The following KIRREL1 variants were observed in gnomAD, a reference collection of about 807,000 sequenced individuals.
KIRREL1 encodes the protein kirre like nephrin family adhesion molecule 1, also known as kin of IRRE-like protein 1.
Under a neutral mutation model 83.3 loss-of-function variants are expected in KIRREL1, and 25 were observed. The observed-to-expected ratio is 0.30, with a 90% CI of 0.22 to 0.42. KIRREL1 has a LOEUF of 0.42. KIRREL1 is among the 10% of genes least tolerant of loss of function. The probability of loss-of-function intolerance (pLI) is 1.00; values close to 1 mark genes in which losing one functional copy is unlikely to be tolerated. For missense variants in KIRREL1, 812 were observed against 1,032.3 expected (o/e 0.79, Z 2.92); for synonymous variants, 388 against 410.4 (o/e 0.95, Z 0.66).
Position 158,063,326 on chromosome 1 carries a change from A to G in KIRREL1, c.53-12787A>G, listed in dbSNP as rs1242655145. ...GTATTTGTTCATTCAACAAACATCA[A>G]TTAAGATATTCATTCAACAAGCATC... is the stretch of plus-strand genomic sequence containing the variant. On this transcript the variant is annotated intron_variant, in intron 1 of 14. Transcript: ENST00000359209. 3.3e-5 allele frequency among the ~76,000 whole-genome samples: 5 copies of G among 152,218 alleles called. No homozygotes were observed. The South Asian group carries it at 6.2e-4, about 19-fold the overall frequency.
intron 2 of KIRREL1, 46 bp downstream of exon 2, chr1:158,076,308 C>T: frequency 6.4e-7 from 1 of 1,572,160 alleles, no homozygotes. Context: ...ATCTTCTCCG[C>T]CATTCCCCAC....
At chr1:158,040,773 G>C (rs189450406) in intron 1 of KIRREL1, among the ~76,000 whole-genome samples, 1 of 152,226 alleles carries the variant, frequency 6.6e-6, no homozygotes, top group African/African-American at 2.4e-5. Flanking sequence ...GGGCTGGAGC[G>C]TGTGCTAAGA....
At chr1:158,075,281 C>A (rs987063711) in intron 1 of KIRREL1, among the ~76,000 whole-genome samples, 1 of 152,214 alleles carries the variant, frequency 6.6e-6, no homozygotes, top group South Asian at 2.1e-4. Flanking sequence ...TGCTCCCGGC[C>A]GAGCTGCCAG....
chr1:158,050,187 C>CTGAAG (rs1660875413), intron 1 of KIRREL1, among the ~76,000 whole-genome samples: 3 of 152,130 alleles, frequency 2.0e-5, no homozygotes, highest in African/African-American at 4.8e-5. Flanking sequence ...TACAGCACTT[C>CTGAAG]TGAAGTCCCA....
chr1:158,034,154 T>A (rs544966029), intron 1 of KIRREL1, among the ~76,000 whole-genome samples: 336 of 149,846 alleles, frequency 2.2e-3, no homozygotes, highest in Non-Finnish European at 4.2e-3. Flanking sequence ...GCGCCTGTAA[T>A]CCCAGCTACT....
rs770836422 is a variant in KIRREL1 at position 158,088,464 on chromosome 1, T to G, written c.1044+10T>G. On this transcript the variant is annotated intron_variant, in intron 8 of 14. Coordinates refer to ENST00000359209, the MANE Select transcript of KIRREL1 (RefSeq NM_018240.7). ...AAAGGACTCAAATATGGTAAGACTC[T>G]TACTGCCTGTTCTTTTTTTTTTTTT... 10 of 1,513,214 alleles carry G rather than the reference T, an allele frequency of 6.6e-6. No individual in the cohort carries two copies. In the South Asian group the frequency reaches 1.2e-4, roughly 18 times the overall value. The allele number at this position is 1,513,214 out of a possible 1,614,324, so 93.7% of individuals were successfully genotyped here.
chr1:158,036,240 CTTTA>C (rs750439621), intron 1 of KIRREL1, among the ~76,000 whole-genome samples: 1 of 152,094 alleles, frequency 6.6e-6, no homozygotes, highest in Non-Finnish European at 1.5e-5. Context: ...TTATTCATTT[CTTTA>C]TTTATTACTG....
intron 1 of KIRREL1, among the ~76,000 whole-genome samples, chr1:158,042,292 G>A (rs1316396561): frequency 6.6e-6 from 1 of 151,830 alleles, no homozygotes; most frequent in East Asian, 1.9e-4. Flanking sequence ...CCAGGTGAAC[G>A]TGCAGGTAAG....
rs12081249 is a variant in KIRREL1, at chr1:158,078,026, G to T, written c.238G>T (p.Ala80Ser). Residue 80 changes from alanine (A) to serine (S), a missense_variant, in exon 3 of 15, where the codon GCT becomes TCT. This residue lies in a region of KIRREL1 where 472 missense variants were observed against 626.8 expected (regional missense o/e 0.75). Transcript: ENST00000359209. ...GTACCGGGTTGTGGGCTCCGCAGACGCTGGGCAGTACAACCTGGAGATCAC... is the reference window on the plus strand; with the variant it reads ...GTACCGGGTTGTGGGCTCCGCAGACTCTGGGCAGTACAACCTGGAGATCAC... ...PRYRVVGSAD[A>S]GQYNLEITDA... is the part of the protein sequence containing the mutation. 3 of 1,614,164 alleles carry T rather than the reference G, an allele frequency of 1.9e-6. No homozygotes were observed. Among genetic ancestry groups the T allele is most frequent in the Middle Eastern group, 3.3e-4 (2 of 6,062 alleles).
intron 5 of KIRREL1, 33 bp downstream of exon 5, chr1:158,086,779 G>A (rs1480909322): frequency 6.6e-7 from 1 of 1,513,008 alleles, no homozygotes; most frequent in East Asian, 2.5e-5. Flanking sequence ...TCTGGAGCAG[G>A]GGGGTGGAAG....
rs1385380221 is a variant in KIRREL1, at chr1:158,093,780, C to T, written c.1719+18C>T. The stretch of plus-strand genomic sequence containing the variant: ...TCTACTCGGTGAGGGTCCTGCTCCT[C>T]TCTGGCCTCCTGCCTTCTCCACCCT... On this transcript the variant is annotated intron_variant, in intron 13 of 14. Transcript: ENST00000359209. 5 of 1,613,434 alleles carry T rather than the reference C, an allele frequency of 3.1e-6. No homozygotes were observed. Among genetic ancestry groups the T allele is most frequent in the South Asian group, 2.2e-5 (2 of 91,044 alleles).
At position 158,086,671 on chromosome 1, in the gene KIRREL1, C is replaced by T. The variant is rs1479642415; in HGVS notation, c.586C>T (p.Arg196Cys). 14 of 1,551,666 alleles carry T rather than the reference C, an allele frequency of 9.0e-6. No individual in the cohort carries two copies. The highest frequency in any genetic ancestry group is 2.7e-5 in the African/African-American group (2 of 72,944). ...LINPTDLDIG[R>C]VFTCRSMNEA... The stretch of plus-strand genomic sequence containing the variant: ...TAACCCCACGGACCTGGACATAGGG[C>T]GTGTCTTCACTTGCCGAAGCATGAA... Residue 196 changes from arginine to cysteine, a missense_variant, in exon 5 of 15, where the codon CGT (arginine) becomes TGT (cysteine). By Grantham distance (180) the Arg-to-Cys change is radical (BLOSUM62 -3). This residue lies in a region of KIRREL1 where 472 missense variants were observed against 626.8 expected (regional missense o/e 0.75). Coordinates refer to ENST00000359209, the MANE Select transcript of KIRREL1 (RefSeq NM_018240.7).
chr1:158,021,362 A>G (rs1295999929), intron 1 of KIRREL1, among the ~76,000 whole-genome samples: 3 of 152,170 alleles, frequency 2.0e-5, no homozygotes, highest in African/African-American at 4.8e-5. Context: ...TGCTTTGGCT[A>G]ATTCAGTCAG....
chr1:158,089,892 T>C, intron 10 of KIRREL1, 74 bp downstream of exon 10: 1 of 1,286,402 alleles, frequency 7.8e-7, no homozygotes, highest in Non-Finnish European at 1.1e-6. Flanking sequence ...CTCTCACTTC[T>C]GCTGGTTTTG....
intron 1 of KIRREL1, among the ~76,000 whole-genome samples, chr1:158,019,111 T>A (rs2101649938): frequency 6.6e-6 from 1 of 152,266 alleles, no homozygotes; most frequent in South Asian, 2.1e-4. Context: ...GGAGCAGATC[T>A]AAGACCCTCA....
chr1:158,092,078 A>G (rs1662212848), intron 11 of KIRREL1, among the ~76,000 whole-genome samples: 1 of 152,220 alleles, frequency 6.6e-6, no homozygotes, highest in South Asian at 2.1e-4. Context: ...GAATATTTAC[A>G]AAATGCCTGG....
chr1:158,016,291 G>A (rs1279426476), intron 1 of KIRREL1, among the ~76,000 whole-genome samples: 1 of 123,334 alleles, frequency 8.1e-6, no homozygotes, highest in African/African-American at 3.0e-5. Flanking sequence ...GGGACAGAGC[G>A]AGACTCTGTC....
chr1:158,004,419 C>T (rs1317073114), intron 1 of KIRREL1, among the ~76,000 whole-genome samples: 1 of 152,124 alleles, frequency 6.6e-6, no homozygotes, highest in Non-Finnish European at 1.5e-5. Flanking sequence ...GAGCTCTGTT[C>T]TCTGGGGTTC....
At chr1:158,027,352 G>C (rs1349588154) in intron 1 of KIRREL1, among the ~76,000 whole-genome samples, 1 of 152,250 alleles carries the variant, frequency 6.6e-6, no homozygotes, top group Non-Finnish European at 1.5e-5. Flanking sequence ...CCTGTGTTCA[G>C]CTACCTGGAA....
Sources: allele counts gnomAD v4.1 joint callset (sites outside exome capture counted in the v4.1 genomes callset), GRCh38; gene constraint gnomAD v4.1.1; regional missense constraint gnomAD v4.1.1; transcripts MANE v1.5; gene names NCBI Gene and HGNC (gene_info 2026-07-23, HGNC 2026-07-21).